ARHGEF11: variants seen among roughly 807,000 people sequenced by gnomAD.
ARHGEF11 encodes Rho guanine nucleotide exchange factor 11.
In ARHGEF11, 55 loss-of-function variants were observed where a neutral mutation model predicts 193.7. The observed-to-expected ratio is 0.28, with a 90% CI of 0.23 to 0.36. ARHGEF11 has a LOEUF of 0.36. Ranked by LOEUF, ARHGEF11 falls within the 10% of genes least tolerant of loss-of-function variation. The pLI is 1.00. For missense variants in ARHGEF11, 1,723 were observed against 2,005.6 expected, an observed-to-expected ratio of 0.86 and a Z score of 2.69; for synonymous variants, 693 against 768.0, an observed-to-expected ratio of 0.90 and a Z score of 1.62.
chr1:156,957,930 A>G, intron 17 of ARHGEF11, 115 bp from the exon 18 acceptor site: 1 of 943,280 alleles, frequency 1.1e-6, no homozygotes. Context: ...TAGTGGGGGA[A>G]AAGGAGAGAA....
intron 5 of ARHGEF11, among the ~76,000 whole-genome samples, 173 bp downstream of exon 5, chr1:156,979,056 T>A (rs573777460): frequency 6.6e-6 from 1 of 152,354 alleles, no homozygotes; most frequent in Admixed American, 6.5e-5. Context: ...TAATAGGGAA[T>A]TGTGGCCACT....
intron 22 of ARHGEF11, among the ~76,000 whole-genome samples, chr1:156,949,386 T>C (rs545492625): frequency 6.6e-6 from 1 of 152,294 alleles, no homozygotes; most frequent in East Asian, 1.9e-4. Context: ...GCTGGTTTTC[T>C]GATATTATTA....
At position 156,937,306 on chromosome 1, in the gene ARHGEF11, G is replaced by C. The variant is rs151281059; in HGVS notation, c.4383C>G (p.Asp1461Glu). Residue 1461 changes from aspartate to glutamate, a missense_variant, in exon 39 of 41, where the codon GAC becomes GAG. Asp to Glu is a conservative substitution (Grantham distance 45, BLOSUM62 2). Around this residue, in one of 5 missense-constraint regions of ARHGEF11, gnomAD observed 360 missense variants for 344.4 expected, o/e 1.05. Transcript: ENST00000368194. ...CAATGGTATGGAAGATCATGCCCAC[G>C]TCCCTGAGGGCCAGGCTTGGAGGAG... The part of the protein sequence containing the change: ...SRSPPSLALR[D>E]VGMIFHTIEQ... The C allele has an allele frequency of 6.2e-7, 1 of 1,613,806 alleles. No homozygotes were observed. The highest frequency in any genetic ancestry group is 8.5e-7 in the Non-Finnish European group (1 of 1,179,934).
rs1284503759 is a variant in ARHGEF11, at chr1:156,956,407, G to T, written c.1671+13C>A. 7 of 1,613,886 alleles carry T rather than the reference G, an allele frequency of 4.3e-6. No individual in the cohort carries two copies. The highest frequency in any genetic ancestry group is 5.9e-6 in the Non-Finnish European group (7 of 1,179,876). The stretch of plus-strand genomic sequence containing the variant: ...TAGGATTACAGGCATGAGCCACCAT[G>T]CCCGGCCCTCACCTTCTTGGTCTTA... On this transcript the variant is annotated intron_variant, in intron 19 of 40. Coordinates refer to ENST00000368194, the MANE Select transcript of ARHGEF11 (RefSeq NM_198236.3).
At chr1:157,024,571 A>T (rs569279058) in intron 1 of ARHGEF11, among the ~76,000 whole-genome samples, 50 of 152,296 alleles carry the variant, frequency 3.3e-4, no homozygotes, top group African/African-American at 1.2e-3. Flanking sequence ...CAACTCGCTA[A>T]CCTCAAAAAA....
Position 156,941,328 on chromosome 1 carries a change from A to G in ARHGEF11, c.3514+44T>C, listed in dbSNP as rs775875397. The G allele has an allele frequency of 1.9e-5, 31 of 1,605,600 alleles. 1 individual carries two copies. The South Asian group carries it at 2.9e-4, about 15-fold the overall frequency. On this transcript the variant is annotated intron_variant, in intron 35 of 40. Coordinates refer to ENST00000368194, the MANE Select transcript of ARHGEF11 (RefSeq NM_198236.3). ...CTCACACCCAACCTGTGCCTACAGA[A>G]AAAGGCCTGGGCTGGCTCCCACAGG... is the stretch of plus-strand genomic sequence containing the variant.
intron 7 of ARHGEF11, among the ~76,000 whole-genome samples, chr1:156,975,648 C>T (rs1663154016): frequency 6.6e-6 from 1 of 152,112 alleles, no homozygotes; most frequent in South Asian, 2.1e-4. Context: ...AAGATTTACT[C>T]CCACCTAAAA....
At chr1:157,001,123 T>C (rs1667159752) in intron 1 of ARHGEF11, among the ~76,000 whole-genome samples, 2 of 152,214 alleles carry the variant, frequency 1.3e-5, no homozygotes, top group Non-Finnish European at 2.9e-5. Context: ...ATCTGACTTA[T>C]GCTATCATCA....
intron 22 of ARHGEF11, among the ~76,000 whole-genome samples, chr1:156,950,071 T>C (rs1033451601): frequency 2.1e-4 from 32 of 152,346 alleles, no homozygotes; most frequent in Admixed American, 1.8e-3. Flanking sequence ...AAAATGTTGA[T>C]GTCTTATAAT....
chr1:157,003,510 C>T (rs1245935362), intron 1 of ARHGEF11, among the ~76,000 whole-genome samples: 1 of 152,226 alleles, frequency 6.6e-6, no homozygotes, highest in African/African-American at 2.4e-5. Context: ...CAGATAGTAT[C>T]TCACTTAACC....
intron 35 of ARHGEF11, 125 bp downstream of exon 35, chr1:156,941,247 C>A: frequency 1.2e-6 from 1 of 837,412 alleles, no homozygotes; most frequent in South Asian, 1.4e-5. Context: ...TTCTTCTCTA[C>A]TCTTTATCAA....
At chr1:156,946,185 G>A (rs1051534210) in intron 28 of ARHGEF11, 23 bp from the exon 29 acceptor site, 4 of 1,603,898 alleles carry the variant, frequency 2.5e-6, no homozygotes, top group Non-Finnish European at 3.4e-6. Context: ...AGACACAGAA[G>A]GGAGGAGATG....
rs913640801 is a variant in ARHGEF11 at position 156,956,554 on chromosome 1, C to G, written c.1537G>C (p.Asp513His). Residue 513 changes from aspartate (D) to histidine (H), a missense_variant, in exon 19 of 41, where the codon GAC becomes CAC. This residue lies in a region of ARHGEF11 where 646 missense variants were observed against 710.7 expected (regional missense o/e 0.91). Transcript: ENST00000368194. ...CTCATGTAGGTATTGAGGGCGAAGT[C>G]CATGGGGGCGCTGTAAAAGAGGAAC... ...KYEEDRSAPMDFALNTYMSHA... is the reference protein window; with the variant it reads ...KYEEDRSAPMHFALNTYMSHA... 6.2e-7 allele frequency: 1 copy of G among 1,614,114 alleles called. No individual in the cohort carries two copies. Among genetic ancestry groups the G allele is most frequent in the Non-Finnish European group, 8.5e-7 (1 of 1,180,002 alleles).
At chr1:156,944,482 A>ATTCATTC in intron 30 of ARHGEF11, 49 bp from the exon 31 acceptor site, 1 of 1,437,362 alleles carries the variant, frequency 7.0e-7, no homozygotes, top group Non-Finnish European at 9.6e-7. Context: ...TCATTCATTC[A>ATTCATTC]AGTGTTTGAG....
chr1:157,026,555 A>C (rs548645628), intron 1 of ARHGEF11, among the ~76,000 whole-genome samples: 1 of 152,330 alleles, frequency 6.6e-6, no homozygotes, highest in South Asian at 2.1e-4. Context: ...CAGTACCCTC[A>C]ACAAAGACTA....
chr1:156,999,659 G>A (rs185730347), intron 1 of ARHGEF11, among the ~76,000 whole-genome samples: 1 of 152,302 alleles, frequency 6.6e-6, no homozygotes, highest in African/African-American at 2.4e-5. Flanking sequence ...AGATGAAAAA[G>A]TATATTTTCA....
In ARHGEF11 at chr1:156,978,200, T is replaced by C. The variant is rs781514488; in HGVS notation, c.510+4A>G. 8.7e-6 allele frequency: 14 copies of C among 1,614,076 alleles called. No individual in the cohort carries two copies. Among genetic ancestry groups the C allele is most frequent in the South Asian group, 7.7e-5 (7 of 91,084 alleles). On this transcript the variant is annotated splice_donor_region_variant and intron_variant, in intron 6 of 40. Transcript: ENST00000368194. ...TGAGGAAAGAAAGCCAGGAGGATTATTACCTGCAGAGGTTTGGGTCCTGTG... is the reference window on the plus strand; with the variant it reads ...TGAGGAAAGAAAGCCAGGAGGATTACTACCTGCAGAGGTTTGGGTCCTGTG...
At chr1:156,986,213 AG>A in intron 1 of ARHGEF11, 40 bp from the exon 2 acceptor site, 3 of 1,545,050 alleles carry the variant, frequency 1.9e-6, no homozygotes, top group Non-Finnish European at 8.9e-7. Flanking sequence ...TGAGCTCAGC[AG>A]GGGGGATCAG....
chr1:157,013,299 A>ACACACACACCCC (rs534893600), intron 1 of ARHGEF11, among the ~76,000 whole-genome samples: 2 of 148,624 alleles, frequency 1.3e-5, no homozygotes, highest in Non-Finnish European at 3.0e-5. Flanking sequence ...ACACACACAC[A>ACACACACACCCC]CCAAGAACCT....
Sources: gnomAD v4.1 joint callset for allele counts (sites outside exome capture counted in the v4.1 genomes callset) on GRCh38, gnomAD v4.1.1 for gene constraint, gnomAD v4.1.1 regional missense constraint, MANE v1.5 for transcripts, NCBI Gene and HGNC (gene_info 2026-07-23, HGNC 2026-07-21) for gene names.